The following SLC16A9 variants were observed in gnomAD, a reference collection of about 807,000 sequenced individuals.
The protein encoded by SLC16A9 is solute carrier family 16 member 9.
SLC16A9 carries 26 observed loss-of-function variants against 44.3 expected under a neutral mutation model. The ratio of observed to expected loss-of-function variants is 0.59; its 90% CI spans 0.43 to 0.81. The LOEUF (loss-of-function observed/expected upper bound fraction) is 0.81. Ranked by LOEUF, SLC16A9 falls within the 40% of genes least tolerant of loss-of-function variation. SLC16A9 has a pLI of 0.00. For missense variants in SLC16A9, 559 were observed against 595.8 expected, an observed-to-expected ratio of 0.94 and a Z score of 0.64; for synonymous variants, 230 against 225.1, an observed-to-expected ratio of 1.02 and a Z score of -0.19.
intron 1 of SLC16A9, among the ~76,000 whole-genome samples, chr10:59,692,189 A>G (rs1840267762): frequency 6.6e-6 from 1 of 152,216 alleles, no homozygotes; most frequent in Non-Finnish European, 1.5e-5. Context: ...TATCTTGGGA[A>G]AAAAATGGTT....
At chr10:59,690,375 A>C (rs1840226676) in intron 1 of SLC16A9, among the ~76,000 whole-genome samples, 1 of 152,182 alleles carries the variant, frequency 6.6e-6, no homozygotes, top group Non-Finnish European at 1.5e-5. Flanking sequence ...TCCACGTGGA[A>C]AGGTATGTGC....
In SLC16A9 at chr10:59,653,679, G is replaced by A. The variant is rs187848459; in HGVS notation, c.1347C>T (p.Ile449=). ...ATTTTAAGATAAATATCTTACCAAC[G>A]ATGGGTGGTCCTAGGCTATTTCCAA... The part of the protein sequence containing the change: ...AGLGNSLGPP[I]VGWFYDWTQT... The change falls in exon 5 of 6, where the codon ATC becomes ATT. Residue 449 remains isoleucine, a synonymous_variant. Transcript: ENST00000395348. The A allele has an allele frequency of 3.7e-6, 6 of 1,606,942 alleles. No homozygotes were observed. The highest frequency in any genetic ancestry group is 5.1e-6 in the Non-Finnish European group (6 of 1,176,026).
intron 2 of SLC16A9, among the ~76,000 whole-genome samples, chr10:59,679,663 C>A (rs1338385285): frequency 1.3e-5 from 2 of 152,174 alleles, no homozygotes; most frequent in Non-Finnish European, 2.9e-5. Context: ...AAAATAACTT[C>A]CCAGCAACAC....
chr10:59,657,472 C>T (rs950292432), intron 4 of SLC16A9, among the ~76,000 whole-genome samples: 1 of 152,222 alleles, frequency 6.6e-6, no homozygotes, highest in African/African-American at 2.4e-5. Flanking sequence ...ATATCTTTGA[C>T]TGAAGGTGGG....
chr10:59,704,759 G>A (rs1028297137), intron 1 of SLC16A9, among the ~76,000 whole-genome samples: 13 of 152,170 alleles, frequency 8.5e-5, no homozygotes, highest in African/African-American at 3.1e-4. Context: ...CCAGAGCTTG[G>A]CCTGAGAATA....
rs190447959 is a variant in SLC16A9, at chr10:59,650,889, G to T, written c.*1883C>A. ...CCTTTGGACAATTATCAGCATTGAT[G>T]AATATGAAGATGTCACATCAAAGTC... On this transcript the variant is annotated 3_prime_UTR_variant, in exon 6 of 6. Transcript: ENST00000395348. 16 of 152,188 alleles carry T rather than the reference G, an allele frequency of 1.1e-4. No individual in the cohort carries two copies. Among genetic ancestry groups the T allele is most frequent in the African/African-American group, 3.9e-4 (16 of 41,540 alleles). 9.4% of individuals were successfully genotyped at this position (152,188 alleles called of 1,614,324 possible).
At position 59,664,255 on chromosome 10, in the gene SLC16A9, T is replaced by A. The variant is rs1839553821; in HGVS notation, c.408A>T (p.Arg136=). ...TTGAAATCAGGCCAAGCGCTAGGCC[T>A]CGGCGATCGTCAAAATACTGGCACG... ...TITCQYFDDR[R]GLALGLISTG... The change falls in exon 4 of 6, where the codon CGA becomes CGT. Residue 136 remains arginine, a synonymous_variant. Coordinates refer to ENST00000395348, the MANE Select transcript of SLC16A9 (RefSeq NM_194298.3). 1.9e-6 allele frequency: 3 copies of A among 1,612,550 alleles called. No individual in the cohort carries two copies. The highest frequency in any genetic ancestry group is 1.7e-6 in the Non-Finnish European group (2 of 1,179,094).
intron 1 of SLC16A9, among the ~76,000 whole-genome samples, chr10:59,706,161 T>C (rs1840631284): frequency 6.6e-6 from 1 of 151,762 alleles, no homozygotes; most frequent in South Asian, 2.1e-4. Flanking sequence ...ACTATTGATG[T>C]TCTACCCTAT....
intron 2 of SLC16A9, among the ~76,000 whole-genome samples, chr10:59,683,365 C>A (rs938375948): frequency 6.6e-6 from 1 of 152,172 alleles, no homozygotes; most frequent in Non-Finnish European, 1.5e-5. Context: ...AATAAAAAGT[C>A]TCTACTATTC....
chr10:59,668,983 G>GT (rs1169479177), intron 3 of SLC16A9, among the ~76,000 whole-genome samples: 1 of 151,994 alleles, frequency 6.6e-6, no homozygotes. Context: ...CTACAAACAT[G>GT]TTCTTTTCCC....
At position 59,685,732 on chromosome 10, in the gene SLC16A9, G is replaced by A. The variant is rs189125206; in HGVS notation, c.-36-1405C>T. Among the ~76,000 whole-genome samples the A allele has an allele frequency of 1.7e-3, 265 of 152,238 alleles. 5 individuals carry two copies. The highest frequency in any genetic ancestry group is 1.3e-4 in the Non-Finnish European group (9 of 68,016). ...TTTTGCTTATAGGCATATTTGTTAG[G>A]TAAAATCCAAAAGAGGAATTGCTGA... On this transcript the variant is annotated intron_variant, in intron 1 of 5. Transcript: ENST00000395348.
intron 2 of SLC16A9, among the ~76,000 whole-genome samples, chr10:59,674,607 T>C (rs1839820521): frequency 6.6e-6 from 1 of 152,240 alleles, no homozygotes. Flanking sequence ...ACTTCAAAAA[T>C]AGAAACAGTT....
At chr10:59,655,542 T>C (rs568294637) in intron 4 of SLC16A9, among the ~76,000 whole-genome samples, 1 of 136,674 alleles carries the variant, frequency 7.3e-6, no homozygotes. Context: ...ATGAGAAAAG[T>C]AGAATTTTTT....
At chr10:59,706,306 G>T (rs976700124) in intron 1 of SLC16A9, among the ~76,000 whole-genome samples, 4 of 151,886 alleles carry the variant, frequency 2.6e-5, no homozygotes, top group Admixed American at 6.6e-5. Context: ...CATCCATAAG[G>T]GTTACTTTGG....
chr10:59,688,163 T>C lies in SLC16A9; in HGVS notation c.-36-3836A>G, dbSNP rs554387279. Reference sequence around the variant, plus strand: ...TGCAACAGAGTCTTTGCCCACGGATTCTGCCAAACCATGCACTTGGCTGTG... The same window carrying C: ...TGCAACAGAGTCTTTGCCCACGGATCCTGCCAAACCATGCACTTGGCTGTG... On this transcript the variant is annotated intron_variant, in intron 1 of 5. Transcript: ENST00000395348. Among the ~76,000 whole-genome samples, 117 of 152,302 alleles carry C rather than the reference T, an allele frequency of 7.7e-4. No homozygotes were observed. The South Asian group carries it at 9.7e-3, about 13-fold the overall frequency.
At chr10:59,668,322 T>C (rs1402850382) in intron 3 of SLC16A9, among the ~76,000 whole-genome samples, 1 of 152,154 alleles carries the variant, frequency 6.6e-6, no homozygotes, top group Admixed American at 6.5e-5. Flanking sequence ...ATCCATTCTA[T>C]CTTGCGCCTC....
At chr10:59,702,353 T>C (rs1300312692) in intron 1 of SLC16A9, among the ~76,000 whole-genome samples, 1 of 152,210 alleles carries the variant, frequency 6.6e-6, no homozygotes, top group Non-Finnish European at 1.5e-5. Context: ...CCTGATTCTT[T>C]CCGATTCGGT....
At chr10:59,676,743 C>A (rs368912570) in intron 2 of SLC16A9, among the ~76,000 whole-genome samples, 1 of 151,682 alleles carries the variant, frequency 6.6e-6, no homozygotes, top group East Asian at 1.9e-4. Context: ...GCCAACATGG[C>A]GAAACCCTGC....
intron 2 of SLC16A9, among the ~76,000 whole-genome samples, chr10:59,677,800 T>C (rs1408978001): frequency 6.6e-6 from 1 of 152,174 alleles, no homozygotes; most frequent in Admixed American, 6.5e-5. Context: ...AGGATAGTTT[T>C]GGGAATGAAA....
Sources: gnomAD v4.1 joint callset for allele counts (sites outside exome capture counted in the v4.1 genomes callset) on GRCh38, gnomAD v4.1.1 for gene constraint, MANE v1.5 for transcripts, NCBI Gene and HGNC (gene_info 2026-07-23, HGNC 2026-07-21) for gene names.